Variants in TMEM245 observed in about 807,000 individuals in gnomAD.
TMEM245 encodes protein CG-2.
Under a neutral mutation model 101.2 loss-of-function variants are expected in TMEM245, and 69 were observed. The ratio of observed to expected loss-of-function variants is 0.68; its 90% confidence interval spans 0.56 to 0.83. The LOEUF (loss-of-function observed/expected upper bound fraction) is 0.83, where lower values mean the gene tolerates loss of function less well. Ranked by LOEUF, TMEM245 falls within the 40% of genes least tolerant of loss-of-function variation. The pLI is 0.00. For synonymous variants in TMEM245, 537 were observed against 449.8 expected, an observed-to-expected ratio of 1.19 and a Z score of -2.45; for missense variants, 1,075 against 1,092.8, an observed-to-expected ratio of 0.98 and a Z score of 0.23.
intron 3 of TMEM245, 69 bp downstream of exon 3, chr9:109,106,439 G>A (rs1830426473): frequency 2.1e-6 from 2 of 948,992 alleles, no homozygotes; most frequent in East Asian, 2.6e-5. Flanking sequence ...TTTCATCATA[G>A]CATTTTTTAA....
chr9:109,032,365 CTTTTTTTTTTTTTTTTTT>C (rs755399182), intron 17 of TMEM245, among the ~76,000 whole-genome samples: 114 of 40,982 alleles, frequency 2.8e-3, no homozygotes, highest in East Asian at 3.5e-3. Flanking sequence ...ATTTCTTTTC[CTTTTTTTTTTTTTTTTTT>C]TTTTTTTTTT....
intron 17 of TMEM245, among the ~76,000 whole-genome samples, chr9:109,026,053 T>A (rs1257822825): frequency 6.6e-6 from 1 of 152,338 alleles, no homozygotes; most frequent in Middle Eastern, 3.4e-3. Flanking sequence ...ACTGTAACAA[T>A]ATACAAATTC....
intron 15 of TMEM245, among the ~76,000 whole-genome samples, chr9:109,036,881 A>G (rs990235611): frequency 6.6e-6 from 1 of 152,200 alleles, no homozygotes; most frequent in African/African-American, 2.4e-5. Context: ...CTCCAAGTTA[A>G]GAGTAAAGCA....
At chr9:109,118,643 C>A (rs905673172) in intron 1 of TMEM245, among the ~76,000 whole-genome samples, 1 of 152,154 alleles carries the variant, frequency 6.6e-6, no homozygotes, top group African/African-American at 2.4e-5. Flanking sequence ...TTACTCCAGG[C>A]GGGAGGAGGT....
intron 7 of TMEM245, among the ~76,000 whole-genome samples, chr9:109,083,376 G>C (rs939958347): frequency 6.6e-6 from 1 of 152,146 alleles, no homozygotes; most frequent in African/African-American, 2.4e-5. Context: ...TTGGGCAAAG[G>C]AACCCAATCC....
chr9:109,098,124 C>T (rs1830188920), intron 3 of TMEM245, among the ~76,000 whole-genome samples: 1 of 152,148 alleles, frequency 6.6e-6, no homozygotes, highest in Non-Finnish European at 1.5e-5. Flanking sequence ...CCTTAGTAGA[C>T]ATTTTTAGAT....
chr9:109,074,596 G>C (rs1829438471), intron 8 of TMEM245, among the ~76,000 whole-genome samples: 1 of 137,372 alleles, frequency 7.3e-6, no homozygotes, highest in African/African-American at 2.7e-5. Context: ...CCTCATCTCT[G>C]TCCCTTTCTG....
intron 1 of TMEM245, among the ~76,000 whole-genome samples, chr9:109,110,272 T>G (rs952089868): frequency 3.2e-4 from 49 of 152,174 alleles, no homozygotes; most frequent in African/African-American, 1.2e-3. Flanking sequence ...GGCCCTATTC[T>G]AATGCTTTAT....
chr9:109,106,652 C>T, intron 2 of TMEM245, 43 bp from the exon 3 acceptor site: 1 of 1,422,698 alleles, frequency 7.0e-7, no homozygotes, highest in Non-Finnish European at 9.7e-7. Flanking sequence ...AAATAAAAAC[C>T]TAGTACTTGT....
intron 8 of TMEM245, among the ~76,000 whole-genome samples, chr9:109,076,960 C>T (rs1462178690): frequency 6.6e-6 from 1 of 152,132 alleles, no homozygotes; most frequent in African/African-American, 2.4e-5. Context: ...TGCCAGGTAG[C>T]TGAGATAACA....
At chr9:109,061,924 A>G (rs1008310303) in intron 10 of TMEM245, among the ~76,000 whole-genome samples, 2 of 152,040 alleles carry the variant, frequency 1.3e-5, no homozygotes. Context: ...CCTTTTACAT[A>G]GTTTTTAAGG....
At chr9:109,097,125 A>G (rs928156098) in intron 3 of TMEM245, among the ~76,000 whole-genome samples, 1 of 152,216 alleles carries the variant, frequency 6.6e-6, no homozygotes, top group Non-Finnish European at 1.5e-5. Context: ...AAGAATATTG[A>G]AAGATGCCAT....
At position 109,119,797 on chromosome 9, in the gene TMEM245, G is replaced by A. The variant is rs1564219931; in HGVS notation, c.117C>T (p.Thr39=). ...TGTCGAAGCGCAGCGCCAGCGCCGC[G>A]GTCCGCGGGGTCTCCCCGCCACCGC... ...PSGGGGETPR[T]AALALRFDKP... Residue 39 remains threonine (T), a synonymous_variant, in exon 1 of 18, where the codon ACC becomes ACT. Coordinates refer to ENST00000374586, the MANE Select transcript of TMEM245 (RefSeq NM_032012.4). 3 of 1,457,032 alleles carry A rather than the reference G, an allele frequency of 2.1e-6. No individual in the cohort carries two copies. Among genetic ancestry groups the A allele is most frequent in the East Asian group, 6.0e-5 (2 of 33,444 alleles). The allele number at this position is 1,457,032 out of a possible 1,614,324, so 90.3% of individuals were successfully genotyped here.
At chr9:109,068,347 G>GTT (rs1829232005) in intron 9 of TMEM245, among the ~76,000 whole-genome samples, 1 of 149,188 alleles carries the variant, frequency 6.7e-6, no homozygotes, top group African/African-American at 2.5e-5. Flanking sequence ...TCCAGCCTGG[G>GTT]CGACAGAGCA....
rs145259356 is a variant in TMEM245, at chr9:109,106,092, T to C, written c.799+416A>G. ...CGGCCTGTAGGCCATTTTTACGTGA[T>C]TACTGCACCTGTAGCCCTCGCTACT... On this transcript the variant is annotated intron_variant, in intron 3 of 17. Coordinates refer to ENST00000374586, the MANE Select transcript of TMEM245 (RefSeq NM_032012.4). Among the ~76,000 whole-genome samples, 1,342 of 152,212 alleles carry C rather than the reference T, an allele frequency of 8.8e-3. 9 individuals are homozygous for C. The highest frequency in any genetic ancestry group is 0.013 in the Non-Finnish European group (886 of 68,006).
chr9:109,043,906 G>A (rs1255924728), intron 14 of TMEM245, among the ~76,000 whole-genome samples: 1 of 152,180 alleles, frequency 6.6e-6, no homozygotes, highest in Non-Finnish European at 1.5e-5. Context: ...AAAGTTCCAA[G>A]AGTTAGTTAG....
In TMEM245 at chr9:109,088,378, T is replaced by C. The variant is rs976740001; in HGVS notation, c.1151-1036A>G. Among the ~76,000 whole-genome samples the C allele has an allele frequency of 2.6e-5, 4 of 152,312 alleles. No individual in the cohort carries two copies. In the East Asian group the frequency reaches 7.7e-4, roughly 29 times the overall value. On this transcript the variant is annotated intron_variant, in intron 5 of 17. Coordinates refer to ENST00000374586, the MANE Select transcript of TMEM245 (RefSeq NM_032012.4). ...TTTAGGGGCCACCTTATTCACAGCC[T>C]GCTGTCCCAAGATCATGTCAAATTC...
chr9:109,042,078 T>C (rs1284871173), intron 14 of TMEM245, among the ~76,000 whole-genome samples: 1 of 152,140 alleles, frequency 6.6e-6, no homozygotes, highest in Non-Finnish European at 1.5e-5. Flanking sequence ...AATTTTAGGT[T>C]CCAAAGAACC....
intron 3 of TMEM245, among the ~76,000 whole-genome samples, chr9:109,096,831 C>T (rs945545775): frequency 3.3e-5 from 5 of 152,182 alleles, no homozygotes; most frequent in Non-Finnish European, 5.9e-5. Context: ...AAAAGTAAGT[C>T]CCTTGATGGT....
Sources: allele counts gnomAD v4.1 joint callset (sites outside exome capture counted in the v4.1 genomes callset), GRCh38; gene constraint gnomAD v4.1.1; transcripts MANE v1.5; gene names NCBI Gene and HGNC (gene_info 2026-07-23, HGNC 2026-07-21).